ASIC2: variants seen among roughly 807,000 people sequenced by gnomAD.
ASIC2 encodes acid sensing ion channel subunit 2.
Under a neutral mutation model 57.3 loss-of-function variants are expected in ASIC2, and 25 were observed. The ratio of observed to expected loss-of-function variants is 0.44; its 90% CI spans 0.32 to 0.61. ASIC2 has a LOEUF of 0.61. ASIC2 is among the 20% of genes least tolerant of loss of function. The pLI, the probability that ASIC2 is intolerant of heterozygous loss-of-function variation, is 0.06. For synonymous variants in ASIC2, 319 were observed against 307.5 expected (o/e 1.04, Z -0.39); for missense variants, 641 against 738.1 (o/e 0.87, Z 1.52).
rs556554061 is a variant in ASIC2 at position 34,156,651 on chromosome 17, C to T, written c.-119G>A. The T allele has an allele frequency of 5.6e-6, 6 of 1,079,514 alleles. No individual in the cohort carries two copies. Among genetic ancestry groups the T allele is most frequent in the Non-Finnish European group, 7.8e-6 (6 of 768,862 alleles). The allele number at this position is 1,079,514 out of a possible 1,614,324, so 66.9% of individuals were successfully genotyped here. On this transcript the variant is annotated 5_prime_UTR_variant, in exon 1 of 10. Transcript: ENST00000359872. This position sits in a 1 kb window ranked among gnomAD's most constrained non-coding sequence, Gnocchi z 4.4. ...AGGGGAGAGAACGCAAGGCAAGCAT[C>T]GCGCCAGATGCTGTGAGTTTATCCT... is the stretch of plus-strand genomic sequence containing the variant.
At chr17:33,995,830 C>T (rs992132997) in intron 1 of ASIC2, among the ~76,000 whole-genome samples, 5 of 152,078 alleles carry the variant, frequency 3.3e-5, no homozygotes. Flanking sequence ...ACAGATATCT[C>T]TTCAACATAC....
chr17:33,203,917 C>T (rs1275423070), intron 1 of ASIC2, among the ~76,000 whole-genome samples: 1 of 152,226 alleles, frequency 6.6e-6, no homozygotes, highest in Non-Finnish European at 1.5e-5. Flanking sequence ...CCTATTTCGT[C>T]CTTAGGTAAG....
chr17:33,321,023 G>A (rs568686586), intron 1 of ASIC2, among the ~76,000 whole-genome samples: 1 of 152,160 alleles, frequency 6.6e-6, no homozygotes, highest in African/African-American at 2.4e-5. Flanking sequence ...TAGGAATAGC[G>A]CTGCTGTGAA....
At chr17:34,104,552 G>T in intron 1 of ASIC2, among the ~76,000 whole-genome samples, 1 of 151,978 alleles carries the variant, frequency 6.6e-6, no homozygotes, top group East Asian at 1.9e-4. Flanking sequence ...TAGGGGAAAA[G>T]CATTCAGGGC....
intron 1 of ASIC2, among the ~76,000 whole-genome samples, chr17:33,611,581 A>T (rs1022423167): frequency 4.6e-5 from 7 of 152,250 alleles, no homozygotes; most frequent in African/African-American, 1.7e-4. Context: ...TCCAGAGCCC[A>T]GGTCAAGTGA....
intron 1 of ASIC2, among the ~76,000 whole-genome samples, chr17:33,313,004 A>G (rs1044599105): frequency 1.3e-5 from 2 of 152,222 alleles, no homozygotes; most frequent in Admixed American, 6.5e-5. Context: ...TAAGGTGAAC[A>G]GTTAGCATAA....
At chr17:33,754,045 A>T (rs1910513031) in intron 1 of ASIC2, among the ~76,000 whole-genome samples, 1 of 152,156 alleles carries the variant, frequency 6.6e-6, no homozygotes, top group African/African-American at 2.4e-5. Flanking sequence ...TCTAAAAATC[A>T]ATTTTAAAAA....
At chr17:33,671,957 TG>T (rs1304327219) in intron 1 of ASIC2, among the ~76,000 whole-genome samples, 1 of 152,158 alleles carries the variant, frequency 6.6e-6, no homozygotes, top group Non-Finnish European at 1.5e-5. Context: ...TTAAATCAAT[TG>T]AAATTGCACT....
At chr17:33,127,790 C>T (rs1186161380) in intron 1 of ASIC2, among the ~76,000 whole-genome samples, 4 of 152,206 alleles carry the variant, frequency 2.6e-5, no homozygotes, top group Non-Finnish European at 5.9e-5. Context: ...TCCCTTCCTC[C>T]TCCATTCATT....
rs58292569 is a variant in ASIC2, at chr17:33,659,529, A to ATC, written c.555+496447_555+496448dup. Among the ~76,000 whole-genome samples the ATC allele has an allele frequency of 5.3e-5, 8 of 152,326 alleles. No individual in the cohort carries two copies. In the East Asian group the frequency reaches 1.5e-3, roughly 29 times the overall value. On this transcript the variant is annotated intron_variant, in intron 1 of 9. Transcript: ENST00000359872. Reference sequence around the variant, plus strand: ...GTAACACAATGGTAAGGGTTTGTGTATCTGAACAAAGAAAAGATACAGTAA... The same window carrying ATC: ...GTAACACAATGGTAAGGGTTTGTGTATCTCTGAACAAAGAAAAGATACAGTAA...
At chr17:33,697,633 C>A (rs979643386) in intron 1 of ASIC2, among the ~76,000 whole-genome samples, 4 of 152,196 alleles carry the variant, frequency 2.6e-5, no homozygotes, top group East Asian at 1.9e-4. Flanking sequence ...TTTCTCCCAA[C>A]CATGGCAGTA....
chr17:33,857,291 G>A (rs1913985439), intron 1 of ASIC2, among the ~76,000 whole-genome samples: 1 of 152,190 alleles, frequency 6.6e-6, no homozygotes, highest in African/African-American at 2.4e-5. Context: ...AAGTCAGGGT[G>A]TAGGAATAGC....
At chr17:33,125,863 C>T (rs909445335) in intron 1 of ASIC2, among the ~76,000 whole-genome samples, 10 of 152,204 alleles carry the variant, frequency 6.6e-5, no homozygotes, top group Non-Finnish European at 1.5e-4. Context: ...TCTTCACACC[C>T]CTACCTCCCC....
intron 1 of ASIC2, among the ~76,000 whole-genome samples, chr17:33,830,760 T>G (rs1913082603): frequency 6.6e-6 from 1 of 152,032 alleles, no homozygotes; most frequent in South Asian, 2.1e-4. Flanking sequence ...GTCCCCTCCC[T>G]GTGTCTATGT....
At chr17:33,793,887 TC>T (rs1158708070) in intron 1 of ASIC2, 1 of 152,194 alleles carries the variant, frequency 6.6e-6, no homozygotes, top group Admixed American at 6.5e-5. Flanking sequence ...GGCTATTATC[TC>T]CAGGTGGTAT....
chr17:34,060,461 A>G (rs1156938702), intron 1 of ASIC2, among the ~76,000 whole-genome samples: 1 of 152,170 alleles, frequency 6.6e-6, no homozygotes, highest in Non-Finnish European at 1.5e-5. Context: ...AAAAAATCAC[A>G]CTAGTTCACC....
chr17:33,932,969 T>C (rs1235073047), intron 1 of ASIC2, among the ~76,000 whole-genome samples: 1 of 151,962 alleles, frequency 6.6e-6, no homozygotes, highest in Non-Finnish European at 1.5e-5. Context: ...CTGCCACTTC[T>C]CTGCTCAAAA....
chr17:34,149,114 C>CTT (rs34036498), intron 1 of ASIC2, among the ~76,000 whole-genome samples: 60,344 of 141,552 alleles, frequency 0.43, 13,058 homozygotes, highest in African/African-American at 0.53. Context: ...TTTTTCTTTT[C>CTT]TTTTTTTTTT....
At chr17:33,868,443 A>C (rs1914303616) in intron 1 of ASIC2, among the ~76,000 whole-genome samples, 1 of 152,208 alleles carries the variant, frequency 6.6e-6, no homozygotes. Flanking sequence ...CATTTGCAAA[A>C]GTTTTAATGC....
Sources: allele counts gnomAD v4.1 joint callset (sites outside exome capture counted in the v4.1 genomes callset), GRCh38; gene constraint gnomAD v4.1.1; non-coding constraint Gnocchi (gnomAD v3.1); transcripts MANE v1.5; gene names NCBI Gene and HGNC (gene_info 2026-07-23, HGNC 2026-07-21).